The following TNS3 variants were observed in gnomAD, a reference collection of about 807,000 sequenced individuals.
TNS3 encodes the protein tensin 3.
TNS3 carries 45 observed loss-of-function variants against 140.9 expected under a neutral mutation model. The observed-to-expected ratio is 0.32, with a 90% CI of 0.25 to 0.41. The LOEUF is 0.41. Among genes scored for constraint, TNS3 ranks in the 10% least tolerant of loss-of-function variants. The pLI is 1.00. For missense variants in TNS3, 1,716 were observed against 1,906.7 expected (o/e 0.90, Z 1.86); for synonymous variants, 815 against 788.4 (o/e 1.03, Z -0.56).
At chr7:47,363,988 C>T (rs1053917256) in intron 17 of TNS3, among the ~76,000 whole-genome samples, 3 of 152,106 alleles carry the variant, frequency 2.0e-5, no homozygotes, top group Non-Finnish European at 4.4e-5. Context: ...TCTAGGACAC[C>T]TTCAAAGTGC....
At chr7:47,372,105 G>A (rs538080802) in intron 16 of TNS3, among the ~76,000 whole-genome samples, 49 of 152,352 alleles carry the variant, frequency 3.2e-4, no homozygotes, top group African/African-American at 1.2e-3. Flanking sequence ...CAGCGTGTGA[G>A]AAGGAGGTGC....
At chr7:47,334,021 A>G (rs1788481979) in intron 20 of TNS3, among the ~76,000 whole-genome samples, 1 of 152,148 alleles carries the variant, frequency 6.6e-6, no homozygotes, top group Non-Finnish European at 1.5e-5. Context: ...GACCAGTGCC[A>G]CTGGTACTGC....
intron 15 of TNS3, among the ~76,000 whole-genome samples, chr7:47,398,870 G>T (rs777451251): frequency 1.3e-5 from 2 of 152,008 alleles, no homozygotes; most frequent in Admixed American, 1.3e-4. Context: ...AATCGGAAAA[G>T]AGGAATTAAA....
intron 16 of TNS3, among the ~76,000 whole-genome samples, chr7:47,370,580 G>A (rs998569248): frequency 6.6e-6 from 1 of 152,248 alleles, no homozygotes; most frequent in African/African-American, 2.4e-5. Context: ...GGACTCCCAA[G>A]CCTCAATCTG....
At position 47,276,933 on chromosome 7, in the gene TNS3, CAGGCCTG is replaced by C. The variant is rs1392201331; in HGVS notation, c.*1136_*1142del. 1 of 152,264 alleles carries C rather than the reference CAGGCCTG, an allele frequency of 6.6e-6. No homozygotes were observed. The highest frequency in any genetic ancestry group is 1.5e-5 in the Non-Finnish European group (1 of 68,062). 9.4% of individuals were successfully genotyped at this position (152,264 alleles called of 1,614,324 possible). On this transcript the variant is annotated 3_prime_UTR_variant, in exon 31 of 31. Coordinates refer to ENST00000311160, the MANE Select transcript of TNS3 (RefSeq NM_022748.12). ...AGGCGAACTTCAGGTCGTGCAGCTT[CAGGCCTG>C]AAGATGATCGAAAAGCCCATGTGGG... is the stretch of plus-strand genomic sequence containing the variant.
rs376089415 is a variant in TNS3 at position 47,283,646 on chromosome 7, G to A, written c.4097+51C>T. The A allele has an allele frequency of 6.1e-5, 90 of 1,463,866 alleles. 1 individual carries two copies. The African/African-American group carries it at 1.1e-3, about 19-fold the overall frequency. 90.7% of individuals were successfully genotyped at this position (1,463,866 alleles called of 1,614,324 possible). A position where few individuals can be genotyped will look rare whatever the true frequency, so the allele number is the denominator to read the frequency against. ...CACACTAGGGAAGAACAAGAGGAACGTGACAGCCCCGCCCCTGCTGGACGG... is the reference window on the plus strand; with the variant it reads ...CACACTAGGGAAGAACAAGAGGAACATGACAGCCCCGCCCCTGCTGGACGG... On this transcript the variant is annotated intron_variant, in intron 28 of 30. Coordinates refer to ENST00000311160, the MANE Select transcript of TNS3 (RefSeq NM_022748.12).
intron 15 of TNS3, 33 bp from the exon 16 acceptor site, chr7:47,396,937 A>G: frequency 6.5e-7 from 1 of 1,534,140 alleles, no homozygotes; most frequent in Middle Eastern, 1.7e-4. Flanking sequence ...CATTAGTCCC[A>G]GTGAAACCCA....
chr7:47,478,518 T>G (rs1297711351), intron 4 of TNS3, among the ~76,000 whole-genome samples: 8 of 152,050 alleles, frequency 5.3e-5, no homozygotes, highest in Admixed American at 2.0e-4. Flanking sequence ...ATTATCCACA[T>G]ATATATACCC....
rs1784836447 is a variant in TNS3, at chr7:47,275,541, C to T, written c.*2535G>A. 6.3e-6 allele frequency: 2 copies of T among 317,094 alleles called. No individual in the cohort carries two copies. The highest frequency in any genetic ancestry group is 2.2e-5 in the African/African-American group (1 of 45,656). The allele number at this position is 317,094 out of a possible 1,614,324, so 19.6% of individuals were successfully genotyped here. A position where few individuals can be genotyped will look rare whatever the true frequency, so the allele number is the denominator to read the frequency against. ...CAAAATGCCTGGAAACGTTCCTTTT[C>T]CTGTGGCCCTAGAGCCGGTGTCCAC... On this transcript the variant is annotated 3_prime_UTR_variant, in exon 31 of 31. Transcript: ENST00000311160.
intron 8 of TNS3, among the ~76,000 whole-genome samples, chr7:47,434,566 C>T (rs1795082373): frequency 6.6e-6 from 1 of 152,184 alleles, no homozygotes; most frequent in Admixed American, 6.5e-5. Context: ...AGTTTGCTTT[C>T]AGTCCAACCC....
intron 20 of TNS3, among the ~76,000 whole-genome samples, chr7:47,309,247 C>T (rs1786938409): frequency 6.6e-6 from 1 of 152,052 alleles, no homozygotes; most frequent in Admixed American, 6.6e-5. Flanking sequence ...TCCATCCTGA[C>T]CTGAAGCATA....
At chr7:47,418,293 C>T (rs1794191308) in intron 10 of TNS3, among the ~76,000 whole-genome samples, 1 of 151,982 alleles carries the variant, frequency 6.6e-6, no homozygotes, top group Non-Finnish European at 1.5e-5. Context: ...AGAGCAAGAC[C>T]CTGTCTCAAA....
intron 30 of TNS3, chr7:47,278,911 C>T (rs1784996798): frequency 6.6e-6 from 1 of 152,230 alleles, no homozygotes; most frequent in Admixed American, 6.5e-5. Context: ...GGACTTTCTT[C>T]TCTTTCTTAG....
chr7:47,337,154 G>T (rs1171634387), intron 20 of TNS3, among the ~76,000 whole-genome samples: 2 of 152,178 alleles, frequency 1.3e-5, no homozygotes, highest in African/African-American at 4.8e-5. Flanking sequence ...CCTTCTTAAT[G>T]ACTTTCCATC....
At chr7:47,421,627 G>A (rs1794376087) in intron 10 of TNS3, among the ~76,000 whole-genome samples, 1 of 152,086 alleles carries the variant, frequency 6.6e-6, no homozygotes, top group South Asian at 2.1e-4. Context: ...TTTAGGGAAG[G>A]AAGTTCAGGG....
At chr7:47,283,911 C>A in intron 27 of TNS3, 46 bp from the exon 28 acceptor site, 1 of 1,489,618 alleles carries the variant, frequency 6.7e-7, no homozygotes. Flanking sequence ...ACTATTGGGA[C>A]AGGTGTGTCC....
chr7:47,457,140 G>GA (rs1796287808), intron 4 of TNS3, among the ~76,000 whole-genome samples: 1 of 44,328 alleles, frequency 2.3e-5, no homozygotes, highest in Non-Finnish European at 5.1e-5. Context: ...GGGGAGGAGG[G>GA]GAGGGGAGGG....
intron 3 of TNS3, among the ~76,000 whole-genome samples, chr7:47,492,075 G>T (rs1290896759): frequency 6.6e-6 from 1 of 152,184 alleles, no homozygotes; most frequent in Non-Finnish European, 1.5e-5. Context: ...AAGCTGTAGG[G>T]GCCTACTGAG....
Position 47,368,701 on chromosome 7 carries a change from T to C in TNS3, c.1945A>G (p.Ser649Gly). 6.3e-7 allele frequency: 1 copy of C among 1,581,700 alleles called. No individual in the cohort carries two copies. The highest frequency in any genetic ancestry group is 8.6e-7 in the Non-Finnish European group (1 of 1,164,042). Residue 649 changes from serine to glycine, a missense_variant, in exon 17 of 31, where the codon AGT (serine) becomes GGT (glycine). Ser to Gly is a moderately conservative substitution (Grantham distance 56). Coordinates refer to ENST00000311160, the MANE Select transcript of TNS3 (RefSeq NM_022748.12). ...SRVAVQRGVG[S>G]GPHPPDTQQP... Reference sequence around the variant, plus strand: ...TGTGTGTCAGGGGGATGTGGCCCACTGCCTACACCCCTCTGGACAGCCACC... The same window carrying C: ...TGTGTGTCAGGGGGATGTGGCCCACCGCCTACACCCCTCTGGACAGCCACC...
Sources: allele counts gnomAD v4.1 joint callset (sites outside exome capture counted in the v4.1 genomes callset), GRCh38; gene constraint gnomAD v4.1.1; transcripts MANE v1.5; gene names NCBI Gene and HGNC (gene_info 2026-07-23, HGNC 2026-07-21).